Variants in FANCA observed in about 807,000 individuals in gnomAD.
The protein encoded by FANCA is FA complementation group A.
FANCA carries 236 observed loss-of-function variants against 194.3 expected under a neutral mutation model. The observed-to-expected ratio is 1.21, with a 90% CI of 1.09 to 1.35. The LOEUF is 1.35. Ranked by LOEUF, FANCA falls within the 40% of genes most tolerant of loss-of-function variation. The pLI is 0.00. For missense variants in FANCA, 2,628 were observed against 1,813.9 expected, an observed-to-expected ratio of 1.45 and a Z score of -8.15; for synonymous variants, 1,014 against 715.8, an observed-to-expected ratio of 1.42 and a Z score of -6.65.
chr16:89,740,396 T>G, intron 38 of FANCA: 1 of 481,418 alleles, frequency 2.1e-6, no homozygotes, highest in Non-Finnish European at 3.8e-6. Context: ...TCCCAACACT[T>G]TGGGAGGCCG....
At chr16:89,744,791 G>A in intron 36 of FANCA, 168 bp downstream of exon 36, 1 of 693,240 alleles carries the variant, frequency 1.4e-6, no homozygotes, top group South Asian at 1.6e-5. Flanking sequence ...CCAGTAGTTG[G>A]GATTACAGGC....
chr16:89,774,016 G>A (rs893912364), intron 21 of FANCA, among the ~76,000 whole-genome samples: 1 of 151,998 alleles, frequency 6.6e-6, no homozygotes, highest in African/African-American at 2.4e-5. Context: ...TGATTTGCCC[G>A]CCTTGGCCTC....
chr16:89,783,713 C>T (rs2039801589), intron 15 of FANCA, among the ~76,000 whole-genome samples: 1 of 152,178 alleles, frequency 6.6e-6, no homozygotes, highest in Admixed American at 6.5e-5. Flanking sequence ...CCCCGGCCGC[C>T]TGCAGCTCCA....
At chr16:89,744,814 G>C (rs767178105) in intron 36 of FANCA, 145 bp downstream of exon 36, 2 of 771,650 alleles carry the variant, frequency 2.6e-6, no homozygotes, top group Admixed American at 4.0e-5. Context: ...CCACCACCAC[G>C]AGAACTCGGT....
chr16:89,816,610 G>T lies in FANCA; in HGVS notation c.6C>A (p.Ser2=), dbSNP rs982258436. 6.6e-7 allele frequency: 1 copy of T among 1,524,924 alleles called. No homozygotes were observed. The highest frequency in any genetic ancestry group is 8.7e-7 in the Non-Finnish European group (1 of 1,144,064). 94.5% of individuals were successfully genotyped at this position (1,524,924 alleles called of 1,614,324 possible). Reference sequence around the variant, plus strand: ...AGGCGGAGTTCGGGACCCACGAGTCGGACATGGCCTTGGCGCCTACAGCCC... The same window carrying T: ...AGGCGGAGTTCGGGACCCACGAGTCTGACATGGCCTTGGCGCCTACAGCCC... M[S]DSWVPNSASG... The change falls in exon 1 of 43, where the codon TCC becomes TCA. Residue 2 remains serine (S), a synonymous_variant. Transcript: ENST00000389301.
intron 2 of FANCA, among the ~76,000 whole-genome samples, chr16:89,815,193 T>C (rs2041056178): frequency 1.3e-5 from 2 of 151,518 alleles, no homozygotes; most frequent in South Asian, 2.1e-4. Flanking sequence ...CCTGCTACCA[T>C]ACCCGGCTAA....
chr16:89,770,071 T>C (rs369157374), intron 25 of FANCA, 47 bp from the exon 26 acceptor site: 50 of 1,598,260 alleles, frequency 3.1e-5, no homozygotes, highest in Admixed American at 8.8e-5. Context: ...TCTTCCAAGC[T>C]GGAATTTTCC....
At chr16:89,785,379 A>G (rs1243216717) in intron 14 of FANCA, among the ~76,000 whole-genome samples, 2 of 152,288 alleles carry the variant, frequency 1.3e-5, no homozygotes, top group South Asian at 4.1e-4. Context: ...ACAGCAAACA[A>G]ATTGATTTTG....
rs537213261 is a variant in FANCA at position 89,791,494 on chromosome 16, T to C, written c.1268A>G (p.Gln423Arg). The change falls in exon 14 of 43, where the codon CAG becomes CGG. Residue 423 changes from glutamine to arginine, a missense_variant. Transcript: ENST00000389301. ...RLMAQAFESC[Q>R]LDSMVTAFLV... ...GAACGCAGTGACCATGCTGTCCAGC[T>C]GGCAGCTCTCGAATGCCTGGGCCAT... The C allele has an allele frequency of 1.9e-6, 3 of 1,614,170 alleles. No individual in the cohort carries two copies. The Admixed American group carries it at 5.0e-5, about 27-fold the overall frequency.
Position 89,811,031 on chromosome 16 carries a change from G to A in FANCA, c.324C>T (p.Pro108=), listed in dbSNP as rs775822054. Residue 108 remains proline (P), a synonymous_variant, in exon 4 of 43, where the codon CCC becomes CCT. Coordinates refer to ENST00000389301, the MANE Select transcript of FANCA (RefSeq NM_000135.4). ...LQDQASRLGV[P]VGILSAGMVA... is the part of the protein sequence containing the mutation. The stretch of plus-strand genomic sequence containing the variant: ...CCATCCCGGCTGAGAGAATACCCAC[G>A]GGAACCCCCAGCCTTGAGGCTTGAT... The A allele has an allele frequency of 2.3e-5, 37 of 1,613,876 alleles. No homozygotes were observed. Among genetic ancestry groups the A allele is most frequent in the Middle Eastern group, 1.6e-4 (1 of 6,084 alleles).
Position 89,811,013 on chromosome 16 carries a change from G to T in FANCA, c.342C>A (p.Ala114=), listed in dbSNP as rs777989691. 1.9e-6 allele frequency: 3 copies of T among 1,613,900 alleles called. No individual in the cohort carries two copies. Among genetic ancestry groups the T allele is most frequent in the Non-Finnish European group, 8.5e-7 (1 of 1,180,038 alleles). The change falls in exon 4 of 43, where the codon GCC becomes GCA. Residue 114 remains alanine (A), a synonymous_variant. Coordinates refer to ENST00000389301, the MANE Select transcript of FANCA (RefSeq NM_000135.4). The part of the protein sequence containing the change: ...RLGVPVGILS[A]GMVASSVGQI... ...GTCCCACGCTAGAGGCAACCATCCC[G>T]GCTGAGAGAATACCCACGGGAACCC...
intron 10 of FANCA, among the ~76,000 whole-genome samples, chr16:89,797,053 G>A (rs560880486): frequency 1.6e-4 from 25 of 152,148 alleles, no homozygotes; most frequent in East Asian, 3.9e-4. Flanking sequence ...CCAGCTACTC[G>A]GGAGACTGAG....
chr16:89,788,354 A>C (rs141850725), intron 14 of FANCA, among the ~76,000 whole-genome samples: 18,811 of 152,050 alleles, frequency 0.12, 1,516 homozygotes, highest in Middle Eastern at 0.3. Flanking sequence ...CCAGCTACTC[A>C]GGAGGCTGAA....
At chr16:89,796,339 C>G in intron 10 of FANCA, among the ~76,000 whole-genome samples, 1 of 152,112 alleles carries the variant, frequency 6.6e-6, no homozygotes, top group East Asian at 1.9e-4. Context: ...GCGCCGCACC[C>G]GGGAGTGGAG....
intron 36 of FANCA, 137 bp from the exon 37 acceptor site, chr16:89,743,075 C>G (rs1294008623): frequency 3.0e-6 from 3 of 1,012,670 alleles, no homozygotes; most frequent in Non-Finnish European, 4.2e-6. Context: ...TCAGGACCAT[C>G]AGAAACTAGG....
In FANCA at chr16:89,738,922, A is replaced by G; in HGVS notation, c.4220T>C (p.Ile1407Thr). ...TKARLFLLQL[I>T]PRCPKKSFSH... The stretch of plus-strand genomic sequence containing the variant: ...GAAGCTCTTTTTCGGGCACCGAGGT[A>G]TTAACTGCAGCAGAAAAAGACGAGC... The change falls in exon 42 of 43, where the codon ATA becomes ACA. Residue 1407 changes from isoleucine (I) to threonine (T), a missense_variant. Transcript: ENST00000389301. 1 of 1,614,280 alleles carries G rather than the reference A, an allele frequency of 6.2e-7. No homozygotes were observed. Among genetic ancestry groups the G allele is most frequent in the Non-Finnish European group, 8.5e-7 (1 of 1,180,050 alleles).
At chr16:89,794,475 G>A (rs539638058) in intron 11 of FANCA, among the ~76,000 whole-genome samples, 3 of 152,234 alleles carry the variant, frequency 2.0e-5, no homozygotes, top group African/African-American at 7.2e-5. Context: ...GGCAGAGGTT[G>A]CAGTGAGCTG....
At chr16:89,810,631 A>G in intron 5 of FANCA, 76 bp downstream of exon 5, 1 of 935,402 alleles carries the variant, frequency 1.1e-6, no homozygotes, top group Non-Finnish European at 1.8e-6. Flanking sequence ...AAACCCAGGT[A>G]CTCTGTTGCC....
At chr16:89,742,580 C>T (rs371195020) in intron 37 of FANCA, among the ~76,000 whole-genome samples, 7 of 142,694 alleles carry the variant, frequency 4.9e-5, no homozygotes, top group Non-Finnish European at 9.0e-5. Context: ...GAGGCCAAGG[C>T]GGGAGGATCA....
Sources: allele counts gnomAD v4.1 joint callset (sites outside exome capture counted in the v4.1 genomes callset), GRCh38; gene constraint gnomAD v4.1.1; transcripts MANE v1.5; gene names NCBI Gene and HGNC (gene_info 2026-07-23, HGNC 2026-07-21).